The following LRRC7 variants were observed in gnomAD, a reference collection of about 807,000 sequenced individuals.
The protein encoded by LRRC7 is leucine rich repeat containing 7.
In LRRC7, 23 loss-of-function variants were observed where a neutral mutation model predicts 175.7. The ratio of observed to expected loss-of-function variants is 0.13; its 90% CI spans 0.09 to 0.19. The LOEUF is 0.19. Among genes scored for constraint, LRRC7 ranks in the 10% least tolerant of loss-of-function variants. The pLI is 1.00. For synonymous variants in LRRC7, 685 were observed against 680.9 expected, an observed-to-expected ratio of 1.01 and a Z score of -0.09; for missense variants, 1,354 against 1,904.7, an observed-to-expected ratio of 0.71 and a Z score of 5.38.
intron 4 of LRRC7, among the ~76,000 whole-genome samples, chr1:69,817,499 T>A (rs1678736381): frequency 6.6e-6 from 1 of 152,104 alleles, no homozygotes; most frequent in South Asian, 2.1e-4. Context: ...AAGTCTGTGT[T>A]TGTGCCAATA....
At position 70,134,886 on chromosome 1, in the gene LRRC7, T is replaced by C. The variant is rs1666803643; in HGVS notation, c.*12999T>C. ...CATTTTAAAGCAAATACGGCAGGTG[T>C]CCACCATTGTTTTGGATACAGCTTT... On this transcript the variant is annotated 3_prime_UTR_variant, in exon 27 of 27. Transcript: ENST00000651989. Among the ~76,000 whole-genome samples, 1 of 152,196 alleles carries C rather than the reference T, an allele frequency of 6.6e-6. No homozygotes were observed. The highest frequency in any genetic ancestry group is 2.4e-5 in the African/African-American group (1 of 41,452).
chr1:70,018,847 A>G (rs376266491), intron 15 of LRRC7, 29 bp downstream of exon 15: 4 of 1,519,498 alleles, frequency 2.6e-6, no homozygotes, highest in Non-Finnish European at 3.7e-6. Flanking sequence ...TTTCTTCTCT[A>G]CTTATAATGA....
At chr1:69,865,129 C>T (rs764056955) in intron 7 of LRRC7, among the ~76,000 whole-genome samples, 30 of 152,074 alleles carry the variant, frequency 2.0e-4, no homozygotes, top group Admixed American at 5.9e-4. Flanking sequence ...CCACCCTACC[C>T]GCAATGAACC....
At position 70,118,092 on chromosome 1, in the gene LRRC7, C is replaced by CACAT. The variant is rs779509103; in HGVS notation, c.4621-3688_4621-3687insACAT. On this transcript the variant is annotated intron_variant, in intron 26 of 26. Transcript: ENST00000651989. The stretch of plus-strand genomic sequence containing the variant: ...ACACACACACACACACACACACACA[C>CACAT]GCACACGAACAAAAATGCAAAACTC... Among the ~76,000 whole-genome samples, 14 of 150,766 alleles carry CACAT rather than the reference C, an allele frequency of 9.3e-5. 1 individual carries two copies. The highest frequency in any genetic ancestry group is 2.9e-4 in the African/African-American group (12 of 40,920).
intron 3 of LRRC7, among the ~76,000 whole-genome samples, chr1:69,788,749 C>G (rs1674783771): frequency 6.6e-6 from 1 of 152,116 alleles, no homozygotes; most frequent in African/African-American, 2.4e-5. Flanking sequence ...ACTCCAGCAC[C>G]ATCAACAATA....
At chr1:69,676,512 T>C (rs1659792195) in intron 1 of LRRC7, among the ~76,000 whole-genome samples, 2 of 152,096 alleles carry the variant, frequency 1.3e-5, no homozygotes, top group Non-Finnish European at 2.9e-5. Context: ...AAAGTGTACA[T>C]TGATGTGCAA....
intron 7 of LRRC7, among the ~76,000 whole-genome samples, chr1:69,913,477 A>T (rs535346022): frequency 6.6e-6 from 1 of 152,296 alleles, no homozygotes; most frequent in South Asian, 2.1e-4. Flanking sequence ...AATAAGTTAC[A>T]TATTCTCATA....
chr1:70,092,281 C>T (rs146110095), intron 25 of LRRC7, among the ~76,000 whole-genome samples: 70 of 152,190 alleles, frequency 4.6e-4, no homozygotes, highest in Non-Finnish European at 8.4e-4. Flanking sequence ...CCAAGTTAAA[C>T]AGATGTTTAA....
At chr1:70,112,047 T>G (rs1176862526) in intron 26 of LRRC7, among the ~76,000 whole-genome samples, 2 of 152,214 alleles carry the variant, frequency 1.3e-5, no homozygotes, top group African/African-American at 4.8e-5. Context: ...TCTATGGCTG[T>G]ATTTCAAGAT....
chr1:70,040,196 T>G (rs1232591396), intron 21 of LRRC7, among the ~76,000 whole-genome samples: 1 of 152,216 alleles, frequency 6.6e-6, no homozygotes, highest in Non-Finnish European at 1.5e-5. Context: ...CGTTTCTGGA[T>G]GGACTCACTT....
intron 2 of LRRC7, among the ~76,000 whole-genome samples, chr1:69,717,762 A>AAAGAAGGAAAGAAAGAAAG: frequency 2.4e-5 from 1 of 40,842 alleles, no homozygotes; most frequent in African/African-American, 1.4e-4. Flanking sequence ...GAACATGAAA[A>AAAGAAGGAAAGAAAGAAAG]AAAGAAAAAA....
chr1:69,576,694 A>G (rs964780094), intron 1 of LRRC7, among the ~76,000 whole-genome samples: 4 of 152,236 alleles, frequency 2.6e-5, no homozygotes, highest in African/African-American at 9.6e-5. Context: ...TGCATCACAT[A>G]TCAGCACATT....
intron 8 of LRRC7, among the ~76,000 whole-genome samples, chr1:69,942,598 C>CT (rs937205682): frequency 1.3e-5 from 2 of 152,040 alleles, no homozygotes; most frequent in African/African-American, 4.8e-5. Flanking sequence ...CTAGAGGCCA[C>CT]TTGCATTCCT....
intron 2 of LRRC7, among the ~76,000 whole-genome samples, chr1:69,709,813 T>A (rs1664514754): frequency 6.6e-6 from 1 of 152,098 alleles, no homozygotes; most frequent in Admixed American, 6.5e-5. Context: ...TAATGAAAAA[T>A]TATTGATTTA....
chr1:69,943,976 ACACACACACAC>A (rs1171184596), intron 8 of LRRC7, among the ~76,000 whole-genome samples: 2 of 122,626 alleles, frequency 1.6e-5, no homozygotes, highest in African/African-American at 2.5e-5. Flanking sequence ...ACACACACAC[ACACACACACAC>A]AACATGAGAT....
chr1:70,001,845 G>A (rs1335211255), intron 11 of LRRC7, among the ~76,000 whole-genome samples: 1 of 152,084 alleles, frequency 6.6e-6, no homozygotes, highest in Non-Finnish European at 1.5e-5. Flanking sequence ...CAGACCTCAT[G>A]TTTGGTGCTT....
intron 4 of LRRC7, among the ~76,000 whole-genome samples, chr1:69,796,134 A>G (rs1408314736): frequency 1.2e-5 from 1 of 80,756 alleles, no homozygotes; most frequent in African/African-American, 5.0e-5. Flanking sequence ...CCACCCCTCA[A>G]CAGTCCCTGG....
At chr1:70,041,476 G>A (rs957022893) in intron 21 of LRRC7, among the ~76,000 whole-genome samples, 1 of 152,214 alleles carries the variant, frequency 6.6e-6, no homozygotes, top group African/African-American at 2.4e-5. Context: ...GGCTGTCAGT[G>A]GGAGACACCT....
Position 69,898,112 on chromosome 1 carries a change from T to C in LRRC7, c.648-33395T>C, listed in dbSNP as rs72943265. Among the ~76,000 whole-genome samples, 280 of 152,300 alleles carry C rather than the reference T, an allele frequency of 1.8e-3. 1 individual carries two copies. The highest frequency in any genetic ancestry group is 6.3e-3 in the African/African-American group (263 of 41,562). On this transcript the variant is annotated intron_variant, in intron 7 of 26. Coordinates refer to ENST00000651989, the MANE Select transcript of LRRC7 (RefSeq NM_001370785.2). ...TGTGTTTCAGAGAGAGTAGAATTCA[T>C]AGGGCTTGGTGAATAATTCATCATG...
Sources: gnomAD v4.1 joint callset for allele counts (sites outside exome capture counted in the v4.1 genomes callset) on GRCh38, gnomAD v4.1.1 for gene constraint, MANE v1.5 for transcripts, NCBI Gene and HGNC (gene_info 2026-07-23, HGNC 2026-07-21) for gene names.